Variants in RBP5 observed in about 807,000 individuals in gnomAD.
RBP5 encodes retinol binding protein 5, also known as retinol-binding protein 5.
RBP5 carries 12 observed loss-of-function variants against 17.8 expected under a neutral mutation model. The observed-to-expected ratio is 0.67, with a 90% confidence interval of 0.43 to 1.09. The LOEUF (loss-of-function observed/expected upper bound fraction) is 1.09, where lower values mean the gene tolerates loss of function less well. RBP5 is among the 50% of genes least tolerant of loss of function. The pLI, the probability that RBP5 is intolerant of heterozygous loss-of-function variation, is 0.00. For synonymous variants in RBP5, 64 were observed against 68.1 expected (o/e 0.94, Z 0.30); for missense variants, 172 against 169.4 (o/e 1.02, Z -0.09).
intron 2 of RBP5, among the ~76,000 whole-genome samples, chr12:7,126,943 T>C (rs1188238825): frequency 6.6e-6 from 1 of 151,952 alleles, no homozygotes; most frequent in Non-Finnish European, 1.5e-5. Flanking sequence ...GTAGCTGGGA[T>C]TACAGGCATG....
At position 7,124,821 on chromosome 12, in the gene RBP5, C is replaced by G; in HGVS notation, c.253-91G>C. The G allele has an allele frequency of 1.3e-6, 1 of 754,994 alleles. No individual in the cohort carries two copies. The highest frequency in any genetic ancestry group is 2.4e-6 in the Non-Finnish European group (1 of 419,748). 46.8% of individuals were successfully genotyped at this position (754,994 alleles called of 1,614,324 possible). On this transcript the variant is annotated intron_variant, in intron 2 of 3. Coordinates refer to ENST00000266560, the MANE Select transcript of RBP5 (RefSeq NM_031491.4). This position sits in a 1 kb window ranked among gnomAD's most constrained non-coding sequence, Gnocchi z 5.3. ...CTCTGAATGGGCTCCCCCTTTTACT[C>G]CACAGCAGATACTGTCTGCTGCAGC...
At chr12:7,120,427 A>C, downstream of RBP5, 1 of 155,416 alleles carries the variant, frequency 6.4e-6, no homozygotes, top group East Asian at 1.9e-4. Flanking sequence ...CTGGCCTCAG[A>C]GGCCTTGGCT....
downstream of RBP5, among the ~76,000 whole-genome samples, chr12:7,123,043 TC>T (rs920539326): frequency 1.3e-5 from 2 of 152,002 alleles, no homozygotes; most frequent in African/African-American, 4.8e-5. Flanking sequence ...CCTCAACCCT[TC>T]CCCCAGGCTC....
chr12:7,122,759 G>A (rs1181510706), downstream of RBP5, among the ~76,000 whole-genome samples: 1 of 152,222 alleles, frequency 6.6e-6, no homozygotes, highest in Non-Finnish European at 1.5e-5. Flanking sequence ...AGCCCTCAGA[G>A]CTTCTGCTGG....
At chr12:7,129,861 C>T, upstream of RBP5, 1 of 970,668 alleles carries the variant, frequency 1.0e-6, no homozygotes, top group Non-Finnish European at 1.2e-6. The surrounding 1 kb of genome is among the most constrained non-coding windows in gnomAD (Gnocchi z 5.5). Context: ...CGTCCTGCCC[C>T]TCCTTGGGTC....
chr12:7,125,296 T>C (rs1244471866), intron 2 of RBP5, among the ~76,000 whole-genome samples: 2 of 151,856 alleles, frequency 1.3e-5, no homozygotes, highest in Non-Finnish European at 2.9e-5. Flanking sequence ...TAAGTAGAGG[T>C]GAAATTGGGG....
intron 2 of RBP5, among the ~76,000 whole-genome samples, chr12:7,125,593 C>T (rs1159874511): frequency 1.3e-5 from 2 of 152,070 alleles, no homozygotes; most frequent in East Asian, 1.9e-4. Flanking sequence ...ACTGTGACAC[C>T]AGGCAAGAGT....
intron 2 of RBP5, among the ~76,000 whole-genome samples, chr12:7,125,430 C>T (rs765655541): frequency 6.6e-6 from 1 of 152,160 alleles, no homozygotes; most frequent in Non-Finnish European, 1.5e-5. Context: ...TCCTCTTTCT[C>T]GGTTTCAAGA....
At chr12:7,119,166 A>G (rs1231284325), downstream of RBP5, 2 of 123,136 alleles carry the variant, frequency 1.6e-5, no homozygotes, top group South Asian at 3.0e-4. Flanking sequence ...GGTGCCCGGC[A>G]CCTTGAATGA....
exon 4 of RBP5, chr12:7,116,561 A>G (rs887240946): frequency 6.6e-6 from 1 of 152,246 alleles, no homozygotes; most frequent in Admixed American, 6.5e-5. Flanking sequence ...GATGCTGGAC[A>G]TTCCTTTTAA....
chr12:7,118,912 A>AGAGGAGGAG (rs758139559), downstream of RBP5: 3 of 153,584 alleles, frequency 2.0e-5, no homozygotes, highest in Non-Finnish European at 4.4e-5. Flanking sequence ...AAGAAGAAGA[A>AGAGGAGGAG]GAGGAGGAGG....
chr12:7,128,369 CT>C lies in RBP5; in HGVS notation c.122del (p.Lys41ArgfsTer10), dbSNP rs1261305510. ...TGTGGTTGCCCTGGTGTTCGATCTCCTTGTCCGGCTTCAGCAGCAGCGCGAT... is the reference window on the plus strand; with the variant it reads ...TGTGGTTGCCCTGGTGTTCGATCTCCTGTCCGGCTTCAGCAGCAGCGCGAT... Reference protein sequence around the residue: ...RKIALLLKPDKEIEHQGNHMT... With the variant: ...RKIALLLKPDXEIEHQGNHMT... On this transcript the variant is annotated frameshift_variant, in exon 2 of 4. Transcript: ENST00000266560. LOFTEE classifies it high-confidence loss of function. The surrounding 1 kb of genome is among the most constrained non-coding windows in gnomAD (Gnocchi z 5.3). The C allele has an allele frequency of 1.2e-6, 2 of 1,614,084 alleles. No individual in the cohort carries two copies. Among genetic ancestry groups the C allele is most frequent in the East Asian group, 4.5e-5 (2 of 44,898 alleles).
At chr12:7,116,185 A>G (rs1415107096) in exon 4 of RBP5, 1 of 152,186 alleles carries the variant, frequency 6.6e-6, no homozygotes, top group Non-Finnish European at 1.5e-5. Flanking sequence ...TCTTTTCAGC[A>G]AAGAACCCTC....
chr12:7,128,844 T>C lies in RBP5; in HGVS notation c.-69A>G. 1 of 1,271,796 alleles carries C rather than the reference T, an allele frequency of 7.9e-7. No homozygotes were observed. The highest frequency in any genetic ancestry group is 1.3e-5 in the South Asian group (1 of 78,444). 78.8% of individuals were successfully genotyped at this position (1,271,796 alleles called of 1,614,324 possible). A position where few individuals can be genotyped will look rare whatever the true frequency, so the allele number is the denominator to read the frequency against. On this transcript the variant is annotated 5_prime_UTR_variant, in exon 1 of 4. Coordinates refer to ENST00000266560, the MANE Select transcript of RBP5 (RefSeq NM_031491.4). This position sits in a 1 kb window ranked among gnomAD's most constrained non-coding sequence, Gnocchi z 5.3. Reference sequence around the variant, plus strand: ...GAAGGAGGGGGTGTTGTCTGGCAGGTGAGGCTGAGAGATTCCAGCCAGCTC... The same window carrying C: ...GAAGGAGGGGGTGTTGTCTGGCAGGCGAGGCTGAGAGATTCCAGCCAGCTC...
chr12:7,122,556 A>G (rs3813735), downstream of RBP5: 40,924 of 152,248 alleles, frequency 0.27, 5,913 homozygotes, highest in East Asian at 0.57. Context: ...TTCCTGAGTC[A>G]AGGCCTCTGC....
chr12:7,120,665 G>A (rs1939068507), downstream of RBP5: 1 of 155,038 alleles, frequency 6.5e-6, no homozygotes, highest in South Asian at 2.0e-4. Context: ...GTACTCTTAT[G>A]ACTGAGGGCG....
rs954162008 is a variant in RBP5, at chr12:7,124,338, C to T, written c.355-164G>A. Among the ~76,000 whole-genome samples the T allele has an allele frequency of 6.6e-6, 1 of 152,170 alleles. No homozygotes were observed. The highest frequency in any genetic ancestry group is 1.5e-5 in the Non-Finnish European group (1 of 68,034). On this transcript the variant is annotated intron_variant, in intron 3 of 3. Coordinates refer to ENST00000266560, the MANE Select transcript of RBP5 (RefSeq NM_031491.4). This position sits in a 1 kb window ranked among gnomAD's most constrained non-coding sequence, Gnocchi z 5.3. ...TTATTCCACATCCTCAACTTTCCAC[C>T]CCTCAGGAAGGAAGGTGGCTGGGTC...
At position 7,124,553 on chromosome 12, in the gene RBP5, C is replaced by T; in HGVS notation, c.354+76G>A. On this transcript the variant is annotated intron_variant, in intron 3 of 3. Transcript: ENST00000266560. The surrounding 1 kb of genome is among the most constrained non-coding windows in gnomAD (Gnocchi z 5.3). ...GCTGGGCTGGGGGAAGAGTGGTGGA[C>T]CTATCTGGTTTGGACAAGGGGATGC... 2.5e-6 allele frequency: 2 copies of T among 809,622 alleles called. No homozygotes were observed. The highest frequency in any genetic ancestry group is 4.3e-6 in the Non-Finnish European group (2 of 467,642). The allele number at this position is 809,622 out of a possible 1,614,324, so 50.2% of individuals were successfully genotyped here.
chr12:7,124,662 C>T lies in RBP5; in HGVS notation c.321G>A (p.Trp107Ter). 1 of 1,610,910 alleles carries T rather than the reference C, an allele frequency of 6.2e-7. No individual in the cohort carries two copies. Among genetic ancestry groups the T allele is most frequent in the Non-Finnish European group, 8.5e-7 (1 of 1,177,202 alleles). The change falls in exon 3 of 4, where the codon TGG becomes TGA. Residue 107 changes from tryptophan to a stop codon, truncating the protein, a stop_gained. Transcript: ENST00000266560. LOFTEE classifies it high-confidence loss of function. The surrounding 1 kb of genome is among the most constrained non-coding windows in gnomAD (Gnocchi z 5.3). ...GCATCTCTCCCTCCAGCCAGTGTCTCCAGCCCCGGTTGGGGACCTCCCCTT... is the reference window on the plus strand; with the variant it reads ...GCATCTCTCCCTCCAGCCAGTGTCTTCAGCCCCGGTTGGGGACCTCCCCTT... ...VQKGEVPNRG[W>*]RHWLEGEMLY... is the part of the protein sequence containing the mutation.
Sources: allele counts gnomAD v4.1 joint callset (sites outside exome capture counted in the v4.1 genomes callset), GRCh38; gene constraint gnomAD v4.1.1; non-coding constraint Gnocchi (gnomAD v3.1); transcripts MANE v1.5; gene names NCBI Gene and HGNC (gene_info 2026-07-23, HGNC 2026-07-21).